Variants in AGMO observed in about 807,000 individuals in gnomAD.
AGMO encodes alkylglycerol monooxygenase, also known as glyceryl-ether monooxygenase.
In AGMO, 75 loss-of-function variants were observed where a neutral mutation model predicts 60.2. The observed-to-expected ratio is 1.25, with a 90% CI of 1.03 to 1.51. The LOEUF (loss-of-function observed/expected upper bound fraction) is 1.51. Ranked by LOEUF, AGMO falls within the 40% of genes most tolerant of loss-of-function variation. The pLI, the probability that AGMO is intolerant of heterozygous loss-of-function variation, is 0.00. For missense variants in AGMO, 763 were observed against 525.5 expected, an observed-to-expected ratio of 1.45 and a Z score of -4.42; for synonymous variants, 261 against 177.1, an observed-to-expected ratio of 1.47 and a Z score of -3.76.
intron 12 of AGMO, among the ~76,000 whole-genome samples, chr7:15,224,836 T>C (rs530207535): frequency 6.6e-6 from 1 of 152,144 alleles, no homozygotes; most frequent in East Asian, 1.9e-4. Context: ...GGCAACAAGG[T>C]CTAATTATAT....
chr7:15,483,132 T>A lies in AGMO; in HGVS notation c.410-52024A>T, dbSNP rs535782151. On this transcript the variant is annotated intron_variant, in intron 3 of 12. Coordinates refer to ENST00000342526, the MANE Select transcript of AGMO (RefSeq NM_001004320.2). The stretch of plus-strand genomic sequence containing the variant: ...CTGTAGCAGACATTAGAATTATGTA[T>A]TTAATAAATCCAAAACAACTGTAAA... Among the ~76,000 whole-genome samples, 138 of 152,276 alleles carry A rather than the reference T, an allele frequency of 9.1e-4. 1 individual carries two copies. Among genetic ancestry groups the A allele is most frequent in the African/African-American group, 3.2e-3 (131 of 41,556 alleles).
At chr7:15,426,613 G>T (rs1294965080) in intron 4 of AGMO, among the ~76,000 whole-genome samples, 2 of 152,084 alleles carry the variant, frequency 1.3e-5, no homozygotes, top group Non-Finnish European at 2.9e-5. Context: ...GCTGGGCGTG[G>T]TGGTGCCCAC....
At chr7:15,403,669 T>C (rs1380654149) in intron 5 of AGMO, among the ~76,000 whole-genome samples, 1 of 151,996 alleles carries the variant, frequency 6.6e-6, no homozygotes, top group Non-Finnish European at 1.5e-5. Flanking sequence ...TGTTCTGAAT[T>C]AGTTGATCTT....
chr7:15,279,539 T>C (rs928394674), intron 12 of AGMO, among the ~76,000 whole-genome samples: 13 of 152,114 alleles, frequency 8.5e-5, no homozygotes, highest in African/African-American at 2.7e-4. Flanking sequence ...GTTCTCAAGG[T>C]CGTGGATTGG....
At chr7:15,548,173 C>A (rs577641929) in intron 2 of AGMO, among the ~76,000 whole-genome samples, 4 of 152,046 alleles carry the variant, frequency 2.6e-5, no homozygotes, top group African/African-American at 9.7e-5. Context: ...TGTACATCAC[C>A]GTCATCAAAG....
intron 12 of AGMO, among the ~76,000 whole-genome samples, chr7:15,277,921 T>C (rs951336487): frequency 4.6e-5 from 7 of 151,878 alleles, no homozygotes; most frequent in African/African-American, 1.7e-4. Flanking sequence ...CTAATAGGGG[T>C]GTCTGGAGAA....
At chr7:15,372,992 G>T (rs1014426559) in intron 10 of AGMO, among the ~76,000 whole-genome samples, 1 of 152,000 alleles carries the variant, frequency 6.6e-6, no homozygotes, top group Non-Finnish European at 1.5e-5. Context: ...ACTACTGTGT[G>T]GTGGCTCATG....
chr7:15,301,971 A>G (rs4621695), intron 12 of AGMO, among the ~76,000 whole-genome samples: 26,955 of 152,118 alleles, frequency 0.18, 4,032 homozygotes, highest in African/African-American at 0.4. Flanking sequence ...TCAGAGGAGA[A>G]TAAGTAAAGA....
chr7:15,460,149 C>G (rs769831793), intron 3 of AGMO, among the ~76,000 whole-genome samples: 117 of 151,204 alleles, frequency 7.7e-4, no homozygotes, highest in Non-Finnish European at 1.5e-3. Flanking sequence ...CTCTGTCCCC[C>G]AGGCCGGAGT....
chr7:15,182,703 C>A, the AGMO span, among the ~76,000 whole-genome samples: 161 of 152,302 alleles, frequency 1.1e-3, 2 homozygotes, highest in African/African-American at 3.8e-3. Flanking sequence ...AGGAATGAGC[C>A]ACTGTGCCTA....
the AGMO span, among the ~76,000 whole-genome samples, chr7:15,173,217 T>G: frequency 6.6e-6 from 1 of 152,082 alleles, no homozygotes; most frequent in Non-Finnish European, 1.5e-5. Flanking sequence ...ATTGAATAAA[T>G]TTACTGAAGT....
At chr7:15,272,882 G>A (rs1348772363) in intron 12 of AGMO, among the ~76,000 whole-genome samples, 5 of 152,046 alleles carry the variant, frequency 3.3e-5, no homozygotes, top group African/African-American at 1.2e-4. Flanking sequence ...TTCTCTGATG[G>A]CCAGTGATGA....
At chr7:15,264,055 C>G (rs2128510574) in intron 12 of AGMO, among the ~76,000 whole-genome samples, 1 of 150,486 alleles carries the variant, frequency 6.6e-6, no homozygotes. Flanking sequence ...CAGTAAAAAC[C>G]TATTGAAATA....
chr7:15,148,184 G>A, the AGMO span, among the ~76,000 whole-genome samples: 2 of 151,920 alleles, frequency 1.3e-5, no homozygotes, highest in South Asian at 4.2e-4. Context: ...TTCTCCTTCT[G>A]CCTAAAGTAC....
chr7:15,210,171 A>T (rs1409871005), intron 12 of AGMO, among the ~76,000 whole-genome samples: 2 of 152,170 alleles, frequency 1.3e-5, no homozygotes, highest in Non-Finnish European at 2.9e-5. Flanking sequence ...CTTTTTCCTT[A>T]TGAAATAAGA....
chr7:15,161,644 AT>A, the AGMO span, among the ~76,000 whole-genome samples: 1 of 151,368 alleles, frequency 6.6e-6, no homozygotes, highest in Admixed American at 6.6e-5. Flanking sequence ...ACATATATAT[AT>A]ATCATATATA....
intron 3 of AGMO, among the ~76,000 whole-genome samples, chr7:15,521,322 A>G (rs1783978990): frequency 6.6e-6 from 1 of 152,172 alleles, no homozygotes; most frequent in Non-Finnish European, 1.5e-5. Flanking sequence ...ACAGAAAAAG[A>G]AGGAATCCTC....
At chr7:15,418,513 A>C in intron 5 of AGMO, 45 bp downstream of exon 5, 1 of 1,210,958 alleles carries the variant, frequency 8.3e-7, no homozygotes, top group Non-Finnish European at 1.2e-6. Context: ...ACATTGCTTC[A>C]GGCTGTTTAG....
In AGMO at chr7:15,388,593, A is replaced by T. The variant is rs114836735; in HGVS notation, c.823-1053T>A. Among the ~76,000 whole-genome samples the T allele has an allele frequency of 4.7e-3, 723 of 152,242 alleles. 7 individuals are homozygous for T. The highest frequency in any genetic ancestry group is 0.017 in the African/African-American group (701 of 41,538). On this transcript the variant is annotated intron_variant, in intron 8 of 12. Transcript: ENST00000342526. ...TAAAATAAAATATTGTTTTTCACTTATTTATTTCCCAATGCTCTGAAAATG... is the reference window on the plus strand; with the variant it reads ...TAAAATAAAATATTGTTTTTCACTTTTTTATTTCCCAATGCTCTGAAAATG...
Sources: allele counts gnomAD v4.1 joint callset (sites outside exome capture counted in the v4.1 genomes callset), GRCh38; gene constraint gnomAD v4.1.1; transcripts MANE v1.5; gene names NCBI Gene and HGNC (gene_info 2026-07-23, HGNC 2026-07-21).